ENTREP2: variants seen among roughly 807,000 people sequenced by gnomAD.
ENTREP2 encodes protein ENTREP2.
chr15:29,410,057 A>G, the ENTREP2 span, among the ~76,000 whole-genome samples: 1 of 152,122 alleles, frequency 6.6e-6, no homozygotes, highest in African/African-American at 2.4e-5. Context: ...TTTCCCCTCA[A>G]TCACTGCAGA....
At chr15:29,632,210 T>C in the ENTREP2 span, among the ~76,000 whole-genome samples, 1 of 151,932 alleles carries the variant, frequency 6.6e-6, no homozygotes, top group East Asian at 1.9e-4. Flanking sequence ...AAGTCTTGAG[T>C]TCTCGAACCA....
the ENTREP2 span, among the ~76,000 whole-genome samples, chr15:29,471,699 G>C: frequency 6.6e-6 from 1 of 152,250 alleles, no homozygotes; most frequent in African/African-American, 2.4e-5. Context: ...GCACCCGCCA[G>C]TAGGACAGCA....
At chr15:29,357,934 C>G in the ENTREP2 span, among the ~76,000 whole-genome samples, 2 of 151,982 alleles carry the variant, frequency 1.3e-5, no homozygotes, top group Non-Finnish European at 2.9e-5. Flanking sequence ...GTGGCACACT[C>G]ACCAGACTGG....
chr15:29,134,862 A>G, the ENTREP2 span, among the ~76,000 whole-genome samples: 2 of 152,110 alleles, frequency 1.3e-5, no homozygotes, highest in South Asian at 4.1e-4. Context: ...ATTGGGGGTG[A>G]CATCAAAAGG....
At chr15:29,571,099 C>T in the ENTREP2 span, among the ~76,000 whole-genome samples, 4 of 149,844 alleles carry the variant, frequency 2.7e-5, no homozygotes, top group African/African-American at 9.7e-5. Flanking sequence ...GTGCGCTGGG[C>T]CCCAGCTGGG....
At chr15:29,420,704 TG>T in the ENTREP2 span, among the ~76,000 whole-genome samples, 1 of 152,156 alleles carries the variant, frequency 6.6e-6, no homozygotes, top group Non-Finnish European at 1.5e-5. Context: ...ATATGACACT[TG>T]GGAAGGAGGG....
the ENTREP2 span, among the ~76,000 whole-genome samples, chr15:29,470,159 A>G: frequency 6.6e-6 from 1 of 152,238 alleles, no homozygotes; most frequent in African/African-American, 2.4e-5. Flanking sequence ...TACCACAGAC[A>G]GTCACGGCGT....
the ENTREP2 span, among the ~76,000 whole-genome samples, chr15:29,651,913 T>C: frequency 6.6e-6 from 1 of 151,930 alleles, no homozygotes; most frequent in African/African-American, 2.4e-5. Flanking sequence ...TGGCAGGGGG[T>C]GGGTCCCCAG....
At chr15:29,166,856 T>G in the ENTREP2 span, among the ~76,000 whole-genome samples, 1 of 151,972 alleles carries the variant, frequency 6.6e-6, no homozygotes, top group African/African-American at 2.4e-5. Context: ...AGAGCCCACA[T>G]AGCCAAAGCA....
chr15:29,449,872 G>A, the ENTREP2 span, among the ~76,000 whole-genome samples: 1 of 152,176 alleles, frequency 6.6e-6, no homozygotes, highest in Non-Finnish European at 1.5e-5. Context: ...ATTAAGAAGT[G>A]TTTAAGCAGT....
At chr15:29,205,985 T>G in the ENTREP2 span, among the ~76,000 whole-genome samples, 1 of 152,208 alleles carries the variant, frequency 6.6e-6, no homozygotes, top group African/African-American at 2.4e-5. Context: ...TTCTGAGCAA[T>G]GCCACTGTCC....
At chr15:29,479,079 C>T in the ENTREP2 span, among the ~76,000 whole-genome samples, 6 of 148,632 alleles carry the variant, frequency 4.0e-5, no homozygotes, top group African/African-American at 1.2e-4. Flanking sequence ...TGGTGGCGGG[C>T]GCCTGTAGTC....
chr15:29,135,642 C>A, the ENTREP2 span, among the ~76,000 whole-genome samples: 1 of 152,198 alleles, frequency 6.6e-6, no homozygotes, highest in Admixed American at 6.5e-5. This position sits in a 1 kb window ranked among gnomAD's most constrained non-coding sequence, Gnocchi z 7.4. Context: ...GTCCCATAAC[C>A]CTGGTACTGT....
chr15:29,462,531 A>G, the ENTREP2 span, among the ~76,000 whole-genome samples: 1 of 151,984 alleles, frequency 6.6e-6, no homozygotes, highest in South Asian at 2.1e-4. Context: ...AATCACTTGA[A>G]CCCAGGAGGT....
chr15:29,313,601 C>A, the ENTREP2 span, among the ~76,000 whole-genome samples: 2 of 152,002 alleles, frequency 1.3e-5, no homozygotes, highest in Non-Finnish European at 1.5e-5. Flanking sequence ...ACCTAACGCT[C>A]AGAAAAAAAA....
At chr15:29,149,225 C>T in the ENTREP2 span, among the ~76,000 whole-genome samples, 13 of 152,182 alleles carry the variant, frequency 8.5e-5, no homozygotes, top group Non-Finnish European at 1.5e-4. Context: ...TCACTTGCAT[C>T]TAATGGACAG....
At chr15:29,565,499 G>C in the ENTREP2 span, among the ~76,000 whole-genome samples, 1 of 151,958 alleles carries the variant, frequency 6.6e-6, no homozygotes, top group Non-Finnish European at 1.5e-5. Flanking sequence ...TGAATAACTT[G>C]TAATAATTCA....
At chr15:29,362,734 A>G in the ENTREP2 span, among the ~76,000 whole-genome samples, 1 of 152,256 alleles carries the variant, frequency 6.6e-6, no homozygotes, top group South Asian at 2.1e-4. Context: ...AAGTTTTTAT[A>G]TATTTTCAAT....
At chr15:29,282,204 G>A in the ENTREP2 span, among the ~76,000 whole-genome samples, 1 of 152,082 alleles carries the variant, frequency 6.6e-6, no homozygotes, top group Non-Finnish European at 1.5e-5. Flanking sequence ...TCATGGGGAA[G>A]GTTTCCCCCA....
Sources: gnomAD v4.1 joint callset for allele counts (sites outside exome capture counted in the v4.1 genomes callset) on GRCh38, gnomAD v4.1.1 for gene constraint, Gnocchi (gnomAD v3.1) non-coding constraint, MANE v1.5 for transcripts, NCBI Gene and HGNC (gene_info 2026-07-23, HGNC 2026-07-21) for gene names.